The following PAFAH1B1 variants were observed in gnomAD, a reference collection of about 807,000 sequenced individuals.
PAFAH1B1 encodes platelet-activating factor acetylhydrolase IB subunit beta.
PAFAH1B1 carries 2 observed loss-of-function variants against 57.5 expected under a neutral mutation model. That is an observed-to-expected ratio of 0.03 (90% CI 0.01 to 0.11). The LOEUF (loss-of-function observed/expected upper bound fraction) is 0.11. Ranked by LOEUF, PAFAH1B1 falls within the 10% of genes least tolerant of loss-of-function variation. PAFAH1B1 has a pLI of 1.00. For synonymous variants in PAFAH1B1, 152 were observed against 169.6 expected, an observed-to-expected ratio of 0.90 and a Z score of 0.81; for missense variants, 257 against 512.0, an observed-to-expected ratio of 0.50 and a Z score of 4.81.
chr17:2,668,468 C>T (rs187728613), intron 5 of PAFAH1B1, among the ~76,000 whole-genome samples: 26 of 151,102 alleles, frequency 1.7e-4, no homozygotes, highest in Admixed American at 3.3e-4. Flanking sequence ...GGGAGGACTG[C>T]TTGAGCTCAG....
chr17:2,624,489 T>C lies in PAFAH1B1; in HGVS notation c.-190-13610T>C, dbSNP rs527348635. On this transcript the variant is annotated intron_variant, in intron 1 of 10. Transcript: ENST00000397195. Reference sequence around the variant, plus strand: ...CATGGCTGGGGAGGCCTCAGAATCATGATAGGAAGTGAAAGGCACTTCTTA... The same window carrying C: ...CATGGCTGGGGAGGCCTCAGAATCACGATAGGAAGTGAAAGGCACTTCTTA... Among the ~76,000 whole-genome samples, 5 of 152,282 alleles carry C rather than the reference T, an allele frequency of 3.3e-5. No individual in the cohort carries two copies. The South Asian group carries it at 8.3e-4, about 25-fold the overall frequency.
chr17:2,646,008 G>T (rs1004842445), intron 2 of PAFAH1B1, among the ~76,000 whole-genome samples: 1 of 152,040 alleles, frequency 6.6e-6, no homozygotes, highest in Non-Finnish European at 1.5e-5. Flanking sequence ...AAACCTATCA[G>T]ATACAGCCAA....
Position 2,685,581 on chromosome 17 carries a change from A to G in PAFAH1B1, c.*3779A>G, listed in dbSNP as rs1392006912. On this transcript the variant is annotated 3_prime_UTR_variant, in exon 11 of 11. Coordinates refer to ENST00000397195, the MANE Select transcript of PAFAH1B1 (RefSeq NM_000430.4). ...TCTGCATATTAAAAAATCTTATTGT[A>G]CCAACTGGTAAACTATTAAATGCCT... The G allele has an allele frequency of 1.3e-5, 2 of 151,410 alleles. No homozygotes were observed. Among genetic ancestry groups the G allele is most frequent in the Admixed American group, 6.6e-5 (1 of 15,208 alleles). 9.4% of individuals were successfully genotyped at this position (151,410 alleles called of 1,614,324 possible). A position where few individuals can be genotyped will look rare whatever the true frequency, so the allele number is the denominator to read the frequency against.
intron 1 of PAFAH1B1, among the ~76,000 whole-genome samples, chr17:2,596,235 A>G (rs2068083236): frequency 6.6e-6 from 1 of 152,154 alleles, no homozygotes; most frequent in Non-Finnish European, 1.5e-5. Flanking sequence ...CACTCTTGTT[A>G]ATGTTTTTTA....
intron 2 of PAFAH1B1, among the ~76,000 whole-genome samples, chr17:2,645,426 C>T (rs901042096): frequency 6.6e-6 from 1 of 151,590 alleles, no homozygotes; most frequent in Non-Finnish European, 1.5e-5. Context: ...AAACCCACCT[C>T]TACTAAAAAT....
intron 1 of PAFAH1B1, among the ~76,000 whole-genome samples, chr17:2,623,442 T>C (rs866883405): frequency 2.0e-5 from 3 of 151,740 alleles, no homozygotes; most frequent in South Asian, 2.1e-4. Flanking sequence ...GTATTTTTAG[T>C]AGAGACAGGG....
intron 1 of PAFAH1B1, chr17:2,613,804 G>T: frequency 3.4e-6 from 1 of 290,600 alleles, no homozygotes; most frequent in Non-Finnish European, 7.0e-6. Context: ...TCCTGATGCC[G>T]GGCGAGCATC....
intron 2 of PAFAH1B1, among the ~76,000 whole-genome samples, chr17:2,657,709 A>G (rs1424249900): frequency 6.6e-6 from 1 of 152,030 alleles, no homozygotes; most frequent in Admixed American, 6.6e-5. Context: ...ATTCAGTCTC[A>G]TTTCTCTCGT....
rs1393849780 is a variant in PAFAH1B1 at position 2,685,613 on chromosome 17, CTA to C, written c.*3812_*3813del. The C allele has an allele frequency of 4.1e-5, 6 of 144,790 alleles. No homozygotes were observed. Among genetic ancestry groups the C allele is most frequent in the Non-Finnish European group, 9.0e-5 (6 of 66,842 alleles). 9.0% of individuals were successfully genotyped at this position (144,790 alleles called of 1,614,324 possible). A position where few individuals can be genotyped will look rare whatever the true frequency, so the allele number is the denominator to read the frequency against. On this transcript the variant is annotated 3_prime_UTR_variant, in exon 11 of 11. Transcript: ENST00000397195. ...GGTAAACTATTAAATGCCTATAAAA[CTA>C]GATGTGATTTTTTTTTTTTTTTTTT...
intron 1 of PAFAH1B1, among the ~76,000 whole-genome samples, chr17:2,617,228 C>T (rs920220429): frequency 6.6e-6 from 1 of 152,180 alleles, no homozygotes; most frequent in African/African-American, 2.4e-5. Context: ...ATTTGCAGCA[C>T]TTGCCTTTAA....
intron 1 of PAFAH1B1, among the ~76,000 whole-genome samples, chr17:2,597,504 G>T (rs978676774): frequency 1.1e-4 from 15 of 142,452 alleles, no homozygotes; most frequent in Non-Finnish European, 2.0e-4. Flanking sequence ...TCTGCCTTCT[G>T]GGTTCAAGCG....
intron 8 of PAFAH1B1, 53 bp downstream of exon 8, chr17:2,674,341 T>G: frequency 6.7e-6 from 9 of 1,346,980 alleles, no homozygotes; most frequent in Non-Finnish European, 9.6e-6. Flanking sequence ...CTGAAGTCCT[T>G]AGATAACTTT....
chr17:2,638,354 C>G (rs375468173), intron 2 of PAFAH1B1, 34 bp downstream of exon 2: 4 of 1,584,228 alleles, frequency 2.5e-6, no homozygotes, highest in East Asian at 2.2e-5. Context: ...TAAAAAAAAT[C>G]TCCCTCATGA....
chr17:2,609,702 G>C (rs2068244818), intron 1 of PAFAH1B1: 2 of 152,222 alleles, frequency 1.3e-5, no homozygotes, highest in South Asian at 4.1e-4. Flanking sequence ...AGTGGAGACG[G>C]GGTTTTACCA....
chr17:2,666,037 T>C lies in PAFAH1B1; in HGVS notation c.139T>C (p.Tyr47His). ...CTAGAATGAAGAATTAGATAAAAAG[T>C]ATGCTGGTCTTTTGGAAAAAAAATG... ...LDVNEELDKK[Y>H]AGLLEKKWTS... is the part of the protein sequence containing the mutation. Residue 47 changes from tyrosine (Y) to histidine (H), a missense_variant, in exon 4 of 11, where the codon TAT (tyrosine) becomes CAT (histidine). By Grantham distance (83) the Tyr-to-His change is moderately conservative. Coordinates refer to ENST00000397195, the MANE Select transcript of PAFAH1B1 (RefSeq NM_000430.4). 1 of 1,520,318 alleles carries C rather than the reference T, an allele frequency of 6.6e-7. No homozygotes were observed. The highest frequency in any genetic ancestry group is 9.0e-7 in the Non-Finnish European group (1 of 1,112,180). 94.2% of individuals were successfully genotyped at this position (1,520,318 alleles called of 1,614,324 possible).
chr17:2,655,221 A>T (rs1186595417), intron 2 of PAFAH1B1, among the ~76,000 whole-genome samples: 3 of 141,458 alleles, frequency 2.1e-5, no homozygotes, highest in East Asian at 4.1e-4. Flanking sequence ...GTGTGTTTAT[A>T]AGAGTGAAAT....
At chr17:2,651,113 G>A (rs947005610) in intron 2 of PAFAH1B1, among the ~76,000 whole-genome samples, 2 of 152,080 alleles carry the variant, frequency 1.3e-5, no homozygotes, top group African/African-American at 4.8e-5. Context: ...GCAAGAAAGG[G>A]ATCGAAGTGC....
intron 2 of PAFAH1B1, among the ~76,000 whole-genome samples, chr17:2,644,025 C>T (rs927597129): frequency 1.9e-4 from 29 of 152,150 alleles, no homozygotes; most frequent in Admixed American, 1.8e-3. Flanking sequence ...CCCGCCACCA[C>T]ATCTGGCTAA....
chr17:2,666,532 G>A (rs1253465589), intron 4 of PAFAH1B1, among the ~76,000 whole-genome samples: 2 of 152,124 alleles, frequency 1.3e-5, no homozygotes, highest in Non-Finnish European at 2.9e-5. Flanking sequence ...AAATAACATT[G>A]TTATGAGTTC....
Sources: allele counts gnomAD v4.1 joint callset (sites outside exome capture counted in the v4.1 genomes callset), GRCh38; gene constraint gnomAD v4.1.1; transcripts MANE v1.5; gene names NCBI Gene and HGNC (gene_info 2026-07-23, HGNC 2026-07-21).